FRYL: variants seen among roughly 807,000 people sequenced by gnomAD.
FRYL encodes the protein FRY like transcription coactivator, also known as protein furry homolog-like.
FRYL carries 150 observed loss-of-function variants against 351.2 expected under a neutral mutation model. That is an observed-to-expected ratio of 0.43 (90% confidence interval 0.37 to 0.49). FRYL has a LOEUF of 0.49. Among genes scored for constraint, FRYL ranks in the 20% least tolerant of loss-of-function variants. The probability of loss-of-function intolerance (pLI) is 0.00; values close to 1 mark genes in which losing one functional copy is unlikely to be tolerated. For missense variants in FRYL, 3,036 were observed against 3,619.3 expected (o/e 0.84, Z 4.13); for synonymous variants, 1,153 against 1,257.1 (o/e 0.92, Z 1.75).
intron 1 of FRYL, among the ~76,000 whole-genome samples, chr4:48,732,237 C>T (rs553734882): frequency 4.6e-5 from 7 of 152,200 alleles, no homozygotes; most frequent in African/African-American, 1.2e-4. Flanking sequence ...TACTATCTCA[C>T]GCCAGTTAGA....
chr4:48,717,151 C>T (rs1231233983), intron 1 of FRYL, among the ~76,000 whole-genome samples: 3 of 149,424 alleles, frequency 2.0e-5, no homozygotes, highest in Admixed American at 1.4e-4. Flanking sequence ...AGGGATAGCA[C>T]TGGAAGATAT....
intron 19 of FRYL, among the ~76,000 whole-genome samples, chr4:48,585,400 G>C (rs1345395897): frequency 4.6e-5 from 7 of 152,192 alleles, no homozygotes; most frequent in Non-Finnish European, 7.3e-5. Context: ...TGAAAAGCTA[G>C]GGAAGTGGGG....
At chr4:48,612,833 C>A (rs1417681499) in intron 7 of FRYL, among the ~76,000 whole-genome samples, 1 of 151,948 alleles carries the variant, frequency 6.6e-6, no homozygotes, top group East Asian at 1.9e-4. Flanking sequence ...TCGTGATCCA[C>A]TTGCCTTGGC....
At chr4:48,584,744 G>T (rs891049100) in intron 19 of FRYL, among the ~76,000 whole-genome samples, 1 of 152,132 alleles carries the variant, frequency 6.6e-6, no homozygotes, top group African/African-American at 2.4e-5. Context: ...TAAAGGCAGG[G>T]GAATTAATTA....
At chr4:48,552,042 T>C (rs1418753503) in intron 36 of FRYL, among the ~76,000 whole-genome samples, 1 of 152,066 alleles carries the variant, frequency 6.6e-6, no homozygotes, top group Non-Finnish European at 1.5e-5. Context: ...CTGATGAGAG[T>C]AAATCAGAAG....
At chr4:48,701,303 C>T (rs1164939166) in intron 2 of FRYL, among the ~76,000 whole-genome samples, 3 of 152,164 alleles carry the variant, frequency 2.0e-5, no homozygotes, top group South Asian at 2.1e-4. Context: ...TCTGTAAAGT[C>T]ATATCCACAA....
At chr4:48,550,304 T>TAA (rs71191235) in intron 38 of FRYL, among the ~76,000 whole-genome samples, 1 of 151,984 alleles carries the variant, frequency 6.6e-6, no homozygotes, top group Non-Finnish European at 1.5e-5. Flanking sequence ...GCAATCCTGC[T>TAA]AAAAAAAATC....
At chr4:48,515,314 T>TA (rs368565814) in intron 55 of FRYL, 39 bp from the exon 56 acceptor site, 2 of 1,457,188 alleles carry the variant, frequency 1.4e-6, no homozygotes, top group Non-Finnish European at 1.9e-6. Context: ...TATAAACACA[T>TA]AAAAAAAGAA....
chr4:48,534,983 A>G lies in FRYL; in HGVS notation c.6565-298T>C, dbSNP rs1047216415. Among the ~76,000 whole-genome samples the G allele has an allele frequency of 3.9e-5, 6 of 152,276 alleles. No individual in the cohort carries two copies. The South Asian group carries it at 6.2e-4, about 16-fold the overall frequency. On this transcript the variant is annotated intron_variant, in intron 48 of 63. Coordinates refer to ENST00000358350, the MANE Select transcript of FRYL (RefSeq NM_015030.2). ...TGACAAACATTTTTAGTGACTAGGA[A>G]TCTCTTGCTTTTGACTTTCTCTTTG...
intron 1 of FRYL, among the ~76,000 whole-genome samples, chr4:48,737,232 T>G (rs1273310139): frequency 7.6e-6 from 1 of 132,324 alleles, no homozygotes; most frequent in Non-Finnish European, 1.5e-5. Flanking sequence ...CACTCCAGCC[T>G]GGGCCACAGA....
At chr4:48,508,410 A>C (rs1401896896) in intron 59 of FRYL, among the ~76,000 whole-genome samples, 2 of 152,212 alleles carry the variant, frequency 1.3e-5, no homozygotes, top group Non-Finnish European at 2.9e-5. Context: ...TCCTCCATTT[A>C]GGTGGTCTTT....
At chr4:48,701,540 G>A (rs1460439900) in intron 2 of FRYL, among the ~76,000 whole-genome samples, 6 of 152,150 alleles carry the variant, frequency 3.9e-5, no homozygotes, top group African/African-American at 1.4e-4. Context: ...TAAAAAGAGA[G>A]TATATGAAAT....
chr4:48,755,057 A>T (rs904134599), intron 1 of FRYL, among the ~76,000 whole-genome samples: 4 of 152,134 alleles, frequency 2.6e-5, no homozygotes, highest in Admixed American at 2.6e-4. Flanking sequence ...CCCTCTTCTC[A>T]ACCTCCTCCT....
At chr4:48,680,310 G>A (rs1489330812) in intron 3 of FRYL, among the ~76,000 whole-genome samples, 2 of 151,566 alleles carry the variant, frequency 1.3e-5, no homozygotes, top group East Asian at 3.9e-4. Flanking sequence ...TTGAAAACTT[G>A]AAGCATTTTT....
intron 1 of FRYL, among the ~76,000 whole-genome samples, chr4:48,758,425 T>A (rs561940140): frequency 2.6e-5 from 4 of 152,128 alleles, no homozygotes; most frequent in Non-Finnish European, 4.4e-5. Flanking sequence ...GCAAAGGATA[T>A]GAACAGACAC....
chr4:48,549,733 A>G lies in FRYL; in HGVS notation c.4634-110T>C. 1 of 821,424 alleles carries G rather than the reference A, an allele frequency of 1.2e-6. No individual in the cohort carries two copies. 50.9% of individuals were successfully genotyped at this position (821,424 alleles called of 1,614,324 possible). A position where few individuals can be genotyped will look rare whatever the true frequency, so the allele number is the denominator to read the frequency against. ...ATAGTATTGGAAAGTGATAAAAAAA[A>G]TTTCCCACTATTTCAACATGTTTGC... is the stretch of plus-strand genomic sequence containing the variant. On this transcript the variant is annotated intron_variant, in intron 38 of 63. Transcript: ENST00000358350. The surrounding 1 kb of genome is among the most constrained non-coding windows in gnomAD (Gnocchi z 4.2).
At chr4:48,533,618 A>G (rs1577981042) in intron 49 of FRYL, among the ~76,000 whole-genome samples, 3 of 152,224 alleles carry the variant, frequency 2.0e-5, no homozygotes, top group South Asian at 4.1e-4. Flanking sequence ...TAAGGTTGTT[A>G]ATGAGCTTGT....
intron 1 of FRYL, among the ~76,000 whole-genome samples, chr4:48,765,899 A>G (rs1774894135): frequency 1.3e-5 from 2 of 152,360 alleles, no homozygotes; most frequent in Middle Eastern, 3.4e-3. Context: ...AAGGTGTTCA[A>G]TATCACTAAA....
At chr4:48,739,474 T>C (rs1370656604) in intron 1 of FRYL, among the ~76,000 whole-genome samples, 2 of 151,342 alleles carry the variant, frequency 1.3e-5, no homozygotes, top group Non-Finnish European at 2.9e-5. Context: ...AAAGATAGCC[T>C]TTTGAACAAA....
Sources: gnomAD v4.1 joint callset for allele counts (sites outside exome capture counted in the v4.1 genomes callset) on GRCh38, gnomAD v4.1.1 for gene constraint, Gnocchi (gnomAD v3.1) non-coding constraint, MANE v1.5 for transcripts, NCBI Gene and HGNC (gene_info 2026-07-23, HGNC 2026-07-21) for gene names.